LMO2: variants seen among roughly 807,000 people sequenced by gnomAD.
LMO2 encodes the protein rhombotin-2.
Under a neutral mutation model 23.2 loss-of-function variants are expected in LMO2, and 20 were observed. That is an observed-to-expected ratio of 0.86 (90% CI 0.61 to 1.25). The LOEUF is 1.25. Ranked by LOEUF, LMO2 falls within the 50% of genes most tolerant of loss-of-function variation. The pLI is 0.00. For synonymous variants in LMO2, 123 were observed against 130.2 expected (o/e 0.94, Z 0.38); for missense variants, 270 against 315.3 (o/e 0.86, Z 1.09).
At chr11:33,877,971 G>C (rs1367860469) in intron 2 of LMO2, among the ~76,000 whole-genome samples, 1 of 152,076 alleles carries the variant, frequency 6.6e-6, no homozygotes, top group Non-Finnish European at 1.5e-5. Flanking sequence ...AACTGATCTG[G>C]AATACTGTTT....
In LMO2 at chr11:33,869,933, G is replaced by A. The variant is rs1364171145; in HGVS notation, c.-217C>T. ...CTCTCTCCGGGCTTCCTCCTCTCTC[G>A]GGAAGGTCTATTTTCGCTCAGCTTC... On this transcript the variant is annotated 5_prime_UTR_variant, in exon 3 of 6. Coordinates refer to ENST00000257818, the MANE Select transcript of LMO2 (RefSeq NM_005574.4). The A allele has an allele frequency of 1.9e-6, 2 of 1,048,830 alleles. No individual in the cohort carries two copies. Among genetic ancestry groups the A allele is most frequent in the Non-Finnish European group, 1.1e-6 (1 of 870,362 alleles). 65.0% of individuals were successfully genotyped at this position (1,048,830 alleles called of 1,614,324 possible).
intron 1 of LMO2, among the ~76,000 whole-genome samples, chr11:33,888,286 T>A (rs911813914): frequency 3.3e-5 from 5 of 152,120 alleles, no homozygotes; most frequent in African/African-American, 1.2e-4. Context: ...TCCACACAGG[T>A]CAGGGGCCAT....
At chr11:33,882,825 A>G (rs1857317860) in intron 1 of LMO2, among the ~76,000 whole-genome samples, 1 of 152,188 alleles carries the variant, frequency 6.6e-6, no homozygotes, top group Non-Finnish European at 1.5e-5. Context: ...CCAGGGTCAT[A>G]CAGCTGCATA....
chr11:33,863,714 G>A (rs1032920638), intron 5 of LMO2, among the ~76,000 whole-genome samples: 3 of 152,210 alleles, frequency 2.0e-5, no homozygotes, highest in African/African-American at 2.4e-5. Flanking sequence ...TGGAAAATTC[G>A]GATGGCCAAT....
chr11:33,891,372 C>A (rs1565040060), intron 1 of LMO2, among the ~76,000 whole-genome samples: 1 of 130,454 alleles, frequency 7.7e-6, no homozygotes, highest in African/African-American at 2.8e-5. Flanking sequence ...CACACACACA[C>A]ACACACACAC....
chr11:33,864,476 C>A lies in LMO2; in HGVS notation c.464+126G>T. 1 of 709,556 alleles carries A rather than the reference C, an allele frequency of 1.4e-6. No homozygotes were observed. Among genetic ancestry groups the A allele is most frequent in the South Asian group, 1.8e-5 (1 of 54,222 alleles). 44.0% of individuals were successfully genotyped at this position (709,556 alleles called of 1,614,324 possible). A position where few individuals can be genotyped will look rare whatever the true frequency, so the allele number is the denominator to read the frequency against. On this transcript the variant is annotated intron_variant, in intron 5 of 5. Transcript: ENST00000257818. This position sits in a 1 kb window ranked among gnomAD's most constrained non-coding sequence, Gnocchi z 4.8. ...GGAGCTGAGACTCAGCCTCTGCAGTCTGACCTCTTTCTATAGGTGGTGTCC... is the reference window on the plus strand; with the variant it reads ...GGAGCTGAGACTCAGCCTCTGCAGTATGACCTCTTTCTATAGGTGGTGTCC...
chr11:33,882,647 T>G (rs939224543), intron 1 of LMO2, among the ~76,000 whole-genome samples: 4 of 152,250 alleles, frequency 2.6e-5, no homozygotes, highest in Non-Finnish European at 5.9e-5. Context: ...TATAAATAGA[T>G]AGACCTAATT....
At chr11:33,860,283 A>C (rs1258345429) in intron 5 of LMO2, among the ~76,000 whole-genome samples, 1 of 152,196 alleles carries the variant, frequency 6.6e-6, no homozygotes, top group Admixed American at 6.5e-5. Flanking sequence ...GGCATGAATC[A>C]AAAGGGAAAC....
intron 2 of LMO2, among the ~76,000 whole-genome samples, chr11:33,876,307 A>G (rs1324056172): frequency 6.6e-6 from 1 of 152,100 alleles, no homozygotes; most frequent in African/African-American, 2.4e-5. Context: ...CTTTCCTCCC[A>G]GCTAGAATGT....
At chr11:33,875,500 C>T (rs1220593662) in intron 2 of LMO2, among the ~76,000 whole-genome samples, 2 of 148,988 alleles carry the variant, frequency 1.3e-5, no homozygotes, top group Non-Finnish European at 3.0e-5. Context: ...ATTGCTTGAA[C>T]CTGGGAGGCA....
At chr11:33,869,279 C>A in intron 4 of LMO2, 67 bp downstream of exon 4, 2 of 1,107,558 alleles carry the variant, frequency 1.8e-6, no homozygotes, top group South Asian at 8.8e-5. Flanking sequence ...CGCCCGGGTC[C>A]CCCCGACGCT....
At chr11:33,868,256 A>ATG (rs915070000) in intron 4 of LMO2, among the ~76,000 whole-genome samples, 3 of 152,110 alleles carry the variant, frequency 2.0e-5, no homozygotes, top group African/African-American at 4.8e-5. Context: ...TGAAGGGTGT[A>ATG]TGTGTGTGTG....
At chr11:33,861,705 G>A (rs1326367116) in intron 5 of LMO2, among the ~76,000 whole-genome samples, 2 of 152,204 alleles carry the variant, frequency 1.3e-5, no homozygotes, top group Non-Finnish European at 2.9e-5. Flanking sequence ...GAATCCAACT[G>A]CCTGGGGTGT....
At chr11:33,886,790 G>A (rs560616896) in intron 1 of LMO2, among the ~76,000 whole-genome samples, 1 of 152,284 alleles carries the variant, frequency 6.6e-6, no homozygotes, top group Non-Finnish European at 1.5e-5. Flanking sequence ...TCCACATGGT[G>A]GTAGGTGTCA....
Position 33,859,551 on chromosome 11 carries a change from G to A in LMO2, c.489C>T (p.Cys163=), listed in dbSNP as rs377285988. 7.4e-6 allele frequency: 12 copies of A among 1,614,000 alleles called. No individual in the cohort carries two copies. Among genetic ancestry groups the A allele is most frequent in the Middle Eastern group, 1.7e-4 (1 of 6,046 alleles). Residue 163 remains cysteine, a synonymous_variant, in exon 6 of 6, where the codon TGC becomes TGT. Coordinates refer to ENST00000257818, the MANE Select transcript of LMO2 (RefSeq NM_005574.4). Reference sequence around the variant, plus strand: ...CACGAATCCGCTTGTCACAGGATGCGCAGAGACCGTCTTGCCCAAAAAGCC... The same window carrying A: ...CACGAATCCGCTTGTCACAGGATGCACAGAGACCGTCTTGCCCAAAAAGCC... ...YLRLFGQDGL[C]ASCDKRIRAY...
At position 33,859,521 on chromosome 11, in the gene LMO2, A is replaced by G; in HGVS notation, c.519T>C (p.Tyr173=). The change falls in exon 6 of 6, where the codon TAT becomes TAC. Residue 173 remains tyrosine, a synonymous_variant. Coordinates refer to ENST00000257818, the MANE Select transcript of LMO2 (RefSeq NM_005574.4). ...CASCDKRIRA[Y]EMTMRVKDKV... The stretch of plus-strand genomic sequence containing the variant: ...TGTCTTTCACCCGCATTGTCATCTC[A>G]TAGGCACGAATCCGCTTGTCACAGG... The G allele has an allele frequency of 6.2e-7, 1 of 1,613,842 alleles. No homozygotes were observed. Among genetic ancestry groups the G allele is most frequent in the Non-Finnish European group, 8.5e-7 (1 of 1,179,804 alleles).
chr11:33,877,731 C>T (rs1461782506), intron 2 of LMO2, among the ~76,000 whole-genome samples: 3 of 152,070 alleles, frequency 2.0e-5, no homozygotes, highest in Non-Finnish European at 4.4e-5. Context: ...TCCCAAAGTG[C>T]TAGGATTACA....
intron 1 of LMO2, among the ~76,000 whole-genome samples, chr11:33,891,400 C>T (rs1031075358): frequency 1.3e-5 from 2 of 151,702 alleles, no homozygotes; most frequent in African/African-American, 4.8e-5. Flanking sequence ...TGCACACACA[C>T]TCACACAGTT....
intron 1 of LMO2, among the ~76,000 whole-genome samples, 194 bp from the exon 2 acceptor site, chr11:33,882,081 C>CT (rs2133713711): frequency 6.6e-6 from 1 of 152,274 alleles, no homozygotes; most frequent in African/African-American, 2.4e-5. Context: ...GCAGGCGGAA[C>CT]TTTGGCATCA....
Sources: gnomAD v4.1 joint callset for allele counts (sites outside exome capture counted in the v4.1 genomes callset) on GRCh38, gnomAD v4.1.1 for gene constraint, Gnocchi (gnomAD v3.1) non-coding constraint, MANE v1.5 for transcripts, NCBI Gene and HGNC (gene_info 2026-07-23, HGNC 2026-07-21) for gene names.